Variants in MYO7A observed in about 807,000 individuals in gnomAD.
The protein encoded by MYO7A is myosin VIIA, also known as unconventional myosin-VIIa.
A neutral mutation model predicts 263.8 loss-of-function variants in MYO7A; 210 were observed. The observed-to-expected ratio is 0.80, with a 90% CI of 0.71 to 0.89. MYO7A has a LOEUF of 0.89. Ranked by LOEUF, MYO7A falls within the 40% of genes least tolerant of loss-of-function variation. The pLI is 0.00. For missense variants in MYO7A, 2,820 were observed against 2,968.3 expected (o/e 0.95, Z 1.16); for synonymous variants, 1,239 against 1,197.3 (o/e 1.03, Z -0.72).
rs923339820 is a variant in MYO7A at position 77,138,405 on chromosome 11, C to T, written c.19-4304C>T. 4.6e-5 allele frequency among the ~76,000 whole-genome samples: 7 copies of T among 152,280 alleles called. No homozygotes were observed. The highest frequency in any genetic ancestry group is 4.1e-4 in the South Asian group (2 of 4,830). On this transcript the variant is annotated intron_variant, in intron 2 of 48. Coordinates refer to ENST00000409709, the MANE Select transcript of MYO7A (RefSeq NM_000260.4). This position sits in a 1 kb window ranked among gnomAD's most constrained non-coding sequence, Gnocchi z 4.9. ...GCCTGAACCAGGCGTTCAAGACCTA[C>T]GCCGTCCTGCCGGTGAGGCCCGGGC... is the stretch of plus-strand genomic sequence containing the variant.
intron 27 of MYO7A, chr11:77,184,989 C>T (rs1461653898): frequency 3.1e-6 from 2 of 645,942 alleles, no homozygotes; most frequent in Non-Finnish European, 5.5e-6. Context: ...AAGAGAGCTG[C>T]AGAAATATTT....
rs373408674 is a variant in MYO7A at position 77,199,714 on chromosome 11, C to T, written c.4748C>T (p.Thr1583Ile). The T allele has an allele frequency of 4.4e-5, 71 of 1,613,594 alleles. No individual in the cohort carries two copies. The highest frequency in any genetic ancestry group is 5.6e-5 in the Non-Finnish European group (66 of 1,179,842). ...ATCAAGGGGGACGAATACACCTTCA[C>T]CTCCAGCAATGCTGAGGACATTCGT... ...ATIKGDEYTF[T>I]SSNAEDIRDL... is the part of the protein sequence containing the mutation. Residue 1583 changes from threonine to isoleucine, a missense_variant, in exon 35 of 49, where the codon ACC (threonine) becomes ATC (isoleucine). Thr to Ile is a moderately conservative substitution (Grantham distance 89). Transcript: ENST00000409709.
At position 77,142,767 on chromosome 11, in the gene MYO7A, C is replaced by A. The variant is rs369125667; in HGVS notation, c.77C>A (p.Ala26Glu). Residue 26 changes from alanine to glutamate, a missense_variant, in exon 3 of 49, where the codon GCG (alanine) becomes GAG (glutamate). Physicochemically the swap from Ala to Glu is moderately radical, Grantham distance 107. Coordinates refer to ENST00000409709, the MANE Select transcript of MYO7A (RefSeq NM_000260.4). ...LGQEFDVPIG[A>E]VVKLCDSGQV... The stretch of plus-strand genomic sequence containing the variant: ...CAGGAGTTCGACGTGCCCATCGGGG[C>A]GGTGGTGAAGCTCTGCGACTCTGGG... 5.6e-6 allele frequency: 9 copies of A among 1,612,128 alleles called. No homozygotes were observed. The highest frequency in any genetic ancestry group is 1.1e-5 in the South Asian group (1 of 90,290).
chr11:77,160,878 CA>C, intron 11 of MYO7A, 94 bp from the exon 12 acceptor site: 1 of 1,439,494 alleles, frequency 6.9e-7, no homozygotes, highest in African/African-American at 1.4e-5. Context: ...TTGTTCCACA[CA>C]AGGGCTGGAG....
rs781881163 is a variant in MYO7A, at chr11:77,166,084, G to T, written c.1719G>T (p.Leu573=). Reference sequence around the variant, plus strand: ...TCCTGGAGAAGAACCGAGACACCCTGCATGGGGACATTATCCAGCTGGTCC... The same window carrying T: ...TCCTGGAGAAGAACCGAGACACCCTTCATGGGGACATTATCCAGCTGGTCC... ...QGFLEKNRDT[L]HGDIIQLVHS... The change falls in exon 15 of 49, where the codon CTG becomes CTT. Residue 573 remains leucine, a synonymous_variant. Coordinates refer to ENST00000409709, the MANE Select transcript of MYO7A (RefSeq NM_000260.4). 1.2e-6 allele frequency: 2 copies of T among 1,613,882 alleles called. No homozygotes were observed. The highest frequency in any genetic ancestry group is 4.5e-5 in the East Asian group (2 of 44,862).
At chr11:77,208,999 C>G in intron 44 of MYO7A, 196 bp downstream of exon 44, 1 of 590,340 alleles carries the variant, frequency 1.7e-6, no homozygotes, top group South Asian at 2.0e-5. Context: ...TTCTTCAGCC[C>G]TTAGGGGCTT....
chr11:77,158,467 C>A, intron 9 of MYO7A, 37 bp downstream of exon 9: 1 of 1,599,750 alleles, frequency 6.3e-7, no homozygotes. Flanking sequence ...CCCACCCCTG[C>A]GCCAAGGGCA....
chr11:77,202,924 G>A (rs906309490), intron 37 of MYO7A, 136 bp from the exon 38 acceptor site: 2 of 1,132,534 alleles, frequency 1.8e-6, no homozygotes, highest in African/African-American at 3.1e-5. Flanking sequence ...ATGCAGGGCA[G>A]GGAAGAGCAG....
At chr11:77,139,177 CAG>C (rs377058492) in intron 2 of MYO7A, among the ~76,000 whole-genome samples, 17 of 152,340 alleles carry the variant, frequency 1.1e-4, no homozygotes, top group African/African-American at 3.4e-4. Context: ...GTGCCTCACC[CAG>C]AGAGACACAG....
At chr11:77,197,943 G>A (rs1049568667) in intron 33 of MYO7A, among the ~76,000 whole-genome samples, 1 of 35,354 alleles carries the variant, frequency 2.8e-5, no homozygotes, top group Non-Finnish European at 6.7e-5. Flanking sequence ...GTGCTCAGTG[G>A]TGCACGGGAT....
chr11:77,131,667 C>T (rs1316642933), intron 2 of MYO7A, among the ~76,000 whole-genome samples: 1 of 152,222 alleles, frequency 6.6e-6, no homozygotes, highest in East Asian at 1.9e-4. Flanking sequence ...TGAGGCAGGC[C>T]TCTGGCTGAT....
intron 18 of MYO7A, among the ~76,000 whole-genome samples, chr11:77,176,132 C>T (rs548264671): frequency 1.3e-5 from 2 of 152,202 alleles, no homozygotes; most frequent in Non-Finnish European, 2.9e-5. Context: ...TGACAGGGCT[C>T]CTTCCTCTGG....
At chr11:77,174,134 C>G (rs1017304198) in intron 16 of MYO7A, among the ~76,000 whole-genome samples, 1 of 152,136 alleles carries the variant, frequency 6.6e-6, no homozygotes, top group African/African-American at 2.4e-5. Flanking sequence ...GAGGCCCTCA[C>G]AGAGCCCCAC....
chr11:77,156,848 T>A lies in MYO7A; in HGVS notation c.593-14T>A, dbSNP rs782264519. The A allele has an allele frequency of 2.1e-5, 34 of 1,613,812 alleles. No individual in the cohort carries two copies. Among genetic ancestry groups the A allele is most frequent in the Non-Finnish European group, 2.8e-5 (33 of 1,179,886 alleles). On this transcript the variant is annotated splice_polypyrimidine_tract_variant and intron_variant, in intron 6 of 48. Coordinates refer to ENST00000409709, the MANE Select transcript of MYO7A (RefSeq NM_000260.4). Reference sequence around the variant, plus strand: ...GGAGCGGGCTTTGCCAGTGACACCCTACTCACTCCGCAGCATTTGGGAATG... The same window carrying A: ...GGAGCGGGCTTTGCCAGTGACACCCAACTCACTCCGCAGCATTTGGGAATG...
intron 18 of MYO7A, among the ~76,000 whole-genome samples, chr11:77,175,802 G>A: frequency 6.6e-6 from 1 of 152,180 alleles, no homozygotes; most frequent in South Asian, 2.1e-4. Context: ...TCTGTAAATT[G>A]GGGTGTGCCT....
chr11:77,202,643 G>A (rs1192754611), intron 37 of MYO7A, among the ~76,000 whole-genome samples: 1 of 152,094 alleles, frequency 6.6e-6, no homozygotes. Context: ...ACCCACCCCA[G>A]GCTGGGCATT....
At chr11:77,135,010 C>G in intron 2 of MYO7A, among the ~76,000 whole-genome samples, 1 of 152,080 alleles carries the variant, frequency 6.6e-6, no homozygotes, top group African/African-American at 2.4e-5. Flanking sequence ...GTCTTGAACC[C>G]CTGACCTCAG....
At chr11:77,206,248 G>A (rs775376699) in intron 41 of MYO7A, 46 bp downstream of exon 41, 59 of 1,454,312 alleles carry the variant, frequency 4.1e-5, no homozygotes, top group East Asian at 4.8e-5. Flanking sequence ...GGACAGGGCC[G>A]GGCTTCCTGG....
rs780081786 is a variant in MYO7A at position 77,213,895 on chromosome 11, C to T, written c.6474C>T (p.Ser2158=). ...ILTTHPFTKI[S]NWSSGNTYFH... ...CCACTCATCCCTTCACCAAGATCTC[C>T]AACTGGAGCAGCGGCAACACCTACT... is the stretch of plus-strand genomic sequence containing the variant. Residue 2158 remains serine (S), a synonymous_variant, in exon 48 of 49, where the codon TCC becomes TCT. Coordinates refer to ENST00000409709, the MANE Select transcript of MYO7A (RefSeq NM_000260.4). 31 of 1,613,944 alleles carry T rather than the reference C, an allele frequency of 1.9e-5. No homozygotes were observed. Among genetic ancestry groups the T allele is most frequent in the Non-Finnish European group, 2.5e-5 (29 of 1,179,914 alleles).
Sources: gnomAD v4.1 joint callset for allele counts (sites outside exome capture counted in the v4.1 genomes callset) on GRCh38, gnomAD v4.1.1 for gene constraint, Gnocchi (gnomAD v3.1) non-coding constraint, MANE v1.5 for transcripts, NCBI Gene and HGNC (gene_info 2026-07-23, HGNC 2026-07-21) for gene names.